The following SNX4 variants were observed in gnomAD, a reference collection of about 807,000 sequenced individuals.
SNX4 encodes the protein sorting nexin 4.
A neutral mutation model predicts 70.8 loss-of-function variants in SNX4; 49 were observed. The observed-to-expected ratio is 0.69, with a 90% CI of 0.55 to 0.88. SNX4 has a LOEUF of 0.88. Ranked by LOEUF, SNX4 falls within the 40% of genes least tolerant of loss-of-function variation. The probability of loss-of-function intolerance (pLI) is 0.00; values close to 1 mark genes in which losing one functional copy is unlikely to be tolerated. For missense variants in SNX4, 528 were observed against 544.8 expected (o/e 0.97, Z 0.31); for synonymous variants, 206 against 183.8 (o/e 1.12, Z -0.98).
At chr3:125,510,826 C>CT (rs1032907208) in intron 1 of SNX4, among the ~76,000 whole-genome samples, 1 of 152,298 alleles carries the variant, frequency 6.6e-6, no homozygotes, top group African/African-American at 2.4e-5. Flanking sequence ...GAAAAGAGTT[C>CT]TGGAGGCTGG....
At chr3:125,485,541 G>A (rs931536505) in intron 6 of SNX4, among the ~76,000 whole-genome samples, 24 of 152,118 alleles carry the variant, frequency 1.6e-4, no homozygotes, top group African/African-American at 5.5e-4. Flanking sequence ...CAAGTGATCC[G>A]CCTGCCTTGG....
chr3:125,495,251 T>TAC (rs1491149472), intron 5 of SNX4, among the ~76,000 whole-genome samples: 2 of 13,512 alleles, frequency 1.5e-4, no homozygotes, highest in Non-Finnish European at 3.1e-4. Context: ...ATTCTCTCTT[T>TAC]ATATATATAT....
At chr3:125,500,114 G>C (rs571213068) in intron 2 of SNX4, among the ~76,000 whole-genome samples, 53 of 151,222 alleles carry the variant, frequency 3.5e-4, no homozygotes, top group African/African-American at 1.2e-3. Flanking sequence ...GGGTCTAGTA[G>C]TTTCATTATA....
At position 125,495,277 on chromosome 3, in the gene SNX4, T is replaced by TATATATATATATAC; in HGVS notation, c.597+2063_597+2064insGTATATATATATAT. Among the ~76,000 whole-genome samples the TATATATATATATAC allele has an allele frequency of 9.4e-4, 94 of 99,566 alleles. 1 individual carries two copies. The highest frequency in any genetic ancestry group is 2.5e-3 in the South Asian group (7 of 2,832). The allele number at this position is 99,566 out of a possible 152,430, so 65.3% of individuals were successfully genotyped here. On this transcript the variant is annotated intron_variant, in intron 5 of 13. Transcript: ENST00000251775. ...ATATATATATATATATATATATATA[T>TATATATATATATAC]ACACATACACACACACACACGTATG...
At position 125,451,365 on chromosome 3, in the gene SNX4, G is replaced by C; in HGVS notation, c.1245C>G (p.Asn415Lys). Residue 415 changes from asparagine (N) to lysine (K), a missense_variant, in exon 13 of 14, where the codon AAC (asparagine) becomes AAG (lysine). By Grantham distance (94) the Asn-to-Lys change is moderately conservative. Coordinates refer to ENST00000251775, the MANE Select transcript of SNX4 (RefSeq NM_003794.4). ...ADIERFKEQK[N>K]RDLKEALISY... ...TTATGAGGGCCTCCTTTAAGTCTCG[G>C]TTCTTTTGTTCTTTGAAGCGTTCAA... The C allele has an allele frequency of 6.2e-7, 1 of 1,613,840 alleles. No homozygotes were observed. The highest frequency in any genetic ancestry group is 8.5e-7 in the Non-Finnish European group (1 of 1,179,886).
Position 125,447,705 on chromosome 3 carries a change from G to T in SNX4, c.*74C>A. ...TATATGTTTATGTATACTAGGTAGT[G>T]ACTTAAATTTCTTTTATTTACTTGT... On this transcript the variant is annotated 3_prime_UTR_variant, in exon 14 of 14. Transcript: ENST00000251775. 2.9e-6 allele frequency: 3 copies of T among 1,017,526 alleles called. No homozygotes were observed. Among genetic ancestry groups the T allele is most frequent in the Non-Finnish European group, 3.0e-6 (2 of 668,634 alleles). 63.0% of individuals were successfully genotyped at this position (1,017,526 alleles called of 1,614,324 possible).
chr3:125,461,781 C>A (rs1297066716), intron 9 of SNX4, among the ~76,000 whole-genome samples: 1 of 151,924 alleles, frequency 6.6e-6, no homozygotes, highest in Non-Finnish European at 1.5e-5. Context: ...CCTGCCTCAG[C>A]CTCCCAAGTA....
At chr3:125,458,888 AAG>A (rs1933804451) in intron 10 of SNX4, among the ~76,000 whole-genome samples, 1 of 145,728 alleles carries the variant, frequency 6.9e-6, no homozygotes, top group South Asian at 2.2e-4. Flanking sequence ...AAGTAAAAAA[AAG>A]AGGCTGGGCA....
chr3:125,499,764 A>T (rs1457175295), intron 2 of SNX4, among the ~76,000 whole-genome samples: 1 of 37,664 alleles, frequency 2.7e-5, no homozygotes, highest in Non-Finnish European at 4.7e-5. Flanking sequence ...TAAGTGTTTA[A>T]AAAAAAAAAA....
chr3:125,484,863 C>T (rs748548669), intron 6 of SNX4, among the ~76,000 whole-genome samples: 6 of 152,042 alleles, frequency 3.9e-5, no homozygotes, highest in East Asian at 2.0e-4. Flanking sequence ...GTCAGGAGTG[C>T]GAGACCAGCC....
At chr3:125,496,551 A>G (rs1348336450) in intron 5 of SNX4, among the ~76,000 whole-genome samples, 1 of 152,100 alleles carries the variant, frequency 6.6e-6, no homozygotes, top group Non-Finnish European at 1.5e-5. Flanking sequence ...ATATTATGTT[A>G]TATATCAATT....
In SNX4 at chr3:125,504,751, A is replaced by C; in HGVS notation, c.142-7T>G. ...AAAAATTATTGTGTGTCATCTGGAC[A>C]AAAGTAAATAAAACAACAACAACAA... On this transcript the variant is annotated splice_polypyrimidine_tract_variant and splice_region_variant and intron_variant, in intron 1 of 13. Coordinates refer to ENST00000251775, the MANE Select transcript of SNX4 (RefSeq NM_003794.4). 3 of 1,610,896 alleles carry C rather than the reference A, an allele frequency of 1.9e-6. No homozygotes were observed. The highest frequency in any genetic ancestry group is 2.5e-6 in the Non-Finnish European group (3 of 1,178,728).
In SNX4 at chr3:125,457,533, G is replaced by A. The variant is rs577751696; in HGVS notation, c.945-168C>T. ...CCCAACATTAAAAATGGAATCTAATGGAATCTAGCAGAACCTAACCATAAA... is the reference window on the plus strand; with the variant it reads ...CCCAACATTAAAAATGGAATCTAATAGAATCTAGCAGAACCTAACCATAAA... On this transcript the variant is annotated intron_variant, in intron 10 of 13. Transcript: ENST00000251775. Among the ~76,000 whole-genome samples the A allele has an allele frequency of 6.6e-5, 10 of 150,902 alleles. No individual in the cohort carries two copies. The South Asian group carries it at 1.9e-3, about 29-fold the overall frequency.
chr3:125,469,535 T>C lies in SNX4; in HGVS notation c.789-16A>G, dbSNP rs777526634. 3.7e-5 allele frequency: 58 copies of C among 1,587,944 alleles called. No homozygotes were observed. Among genetic ancestry groups the C allele is most frequent in the Admixed American group, 1.3e-4 (8 of 59,878 alleles). Reference sequence around the variant, plus strand: ...ACTCCATTCACTAGGGAGTAAAAGATAAAACCAAAAGCAACATGCATTAGA... The same window carrying C: ...ACTCCATTCACTAGGGAGTAAAAGACAAAACCAAAAGCAACATGCATTAGA... On this transcript the variant is annotated splice_polypyrimidine_tract_variant and intron_variant, in intron 8 of 13. Coordinates refer to ENST00000251775, the MANE Select transcript of SNX4 (RefSeq NM_003794.4).
At chr3:125,495,754 T>C (rs2107558535) in intron 5 of SNX4, among the ~76,000 whole-genome samples, 1 of 152,316 alleles carries the variant, frequency 6.6e-6, no homozygotes, top group East Asian at 1.9e-4. Context: ...CAGTAAAGAC[T>C]TAATGACTAG....
chr3:125,447,691 G>A lies in SNX4; in HGVS notation c.*88C>T. On this transcript the variant is annotated 3_prime_UTR_variant, in exon 14 of 14. Coordinates refer to ENST00000251775, the MANE Select transcript of SNX4 (RefSeq NM_003794.4). ...TATTTAACTTATTGTATATGTTTATGTATACTAGGTAGTGACTTAAATTTC... is the reference window on the plus strand; with the variant it reads ...TATTTAACTTATTGTATATGTTTATATATACTAGGTAGTGACTTAAATTTC... 1.2e-6 allele frequency: 1 copy of A among 814,074 alleles called. No individual in the cohort carries two copies. The highest frequency in any genetic ancestry group is 2.0e-6 in the Non-Finnish European group (1 of 503,868). The allele number at this position is 814,074 out of a possible 1,614,324, so 50.4% of individuals were successfully genotyped here. A position where few individuals can be genotyped will look rare whatever the true frequency, so the allele number is the denominator to read the frequency against.
At chr3:125,464,908 C>T (rs1200685568) in intron 9 of SNX4, among the ~76,000 whole-genome samples, 1 of 151,982 alleles carries the variant, frequency 6.6e-6, no homozygotes, top group African/African-American at 2.4e-5. Context: ...CCACACCTGG[C>T]TAATATTTAT....
chr3:125,489,551 C>T (rs987714492), intron 5 of SNX4, 88 bp from the exon 6 acceptor site: 13 of 998,028 alleles, frequency 1.3e-5, no homozygotes, highest in Non-Finnish European at 2.0e-5. Flanking sequence ...AATTAAGATG[C>T]TCAAGTACAG....
intron 6 of SNX4, among the ~76,000 whole-genome samples, chr3:125,483,735 C>T (rs1322960023): frequency 2.0e-5 from 3 of 151,896 alleles, no homozygotes; most frequent in Non-Finnish European, 4.4e-5. Flanking sequence ...AGATGTGCAC[C>T]TTTGAAAAAA....
Sources: gnomAD v4.1 joint callset for allele counts (sites outside exome capture counted in the v4.1 genomes callset) on GRCh38, gnomAD v4.1.1 for gene constraint, MANE v1.5 for transcripts, NCBI Gene and HGNC (gene_info 2026-07-23, HGNC 2026-07-21) for gene names.